The following SYNE1 variants were observed in gnomAD, a reference collection of about 807,000 sequenced individuals.
SYNE1 encodes the protein nesprin-1.
Under a neutral mutation model 1,111.0 loss-of-function variants are expected in SYNE1, and 616 were observed. The observed-to-expected ratio is 0.55, with a 90% CI of 0.52 to 0.59. SYNE1 has a LOEUF of 0.59. Among genes scored for constraint, SYNE1 ranks in the 20% least tolerant of loss-of-function variants. SYNE1 has a pLI of 0.00. For missense variants in SYNE1, 10,006 were observed against 10,417.0 expected, an observed-to-expected ratio of 0.96 and a Z score of 1.72; for synonymous variants, 3,855 against 3,825.8, an observed-to-expected ratio of 1.01 and a Z score of -0.28.
At chr6:152,435,668 A>G in intron 33 of SYNE1, 2 of 504,622 alleles carry the variant, frequency 4.0e-6, no homozygotes, top group South Asian at 7.4e-5. Flanking sequence ...TACAATGTAC[A>G]AAGGCCACAG....
chr6:152,283,523 T>TTTTG (rs1039410283), intron 96 of SYNE1, among the ~76,000 whole-genome samples: 73 of 152,176 alleles, frequency 4.8e-4, no homozygotes, highest in East Asian at 1.9e-3. Flanking sequence ...GACTGTTTTG[T>TTTTG]TTTGTTTGTT....
chr6:152,334,190 T>C lies in SYNE1; in HGVS notation c.12612A>G (p.Glu4204=). 1 of 1,614,168 alleles carries C rather than the reference T, an allele frequency of 6.2e-7. No homozygotes were observed. The highest frequency in any genetic ancestry group is 8.5e-7 in the Non-Finnish European group (1 of 1,180,022). The change falls in exon 77 of 146, where the codon GAA becomes GAG. Residue 4204 remains glutamate, a synonymous_variant. Coordinates refer to ENST00000367255, the MANE Select transcript of SYNE1 (RefSeq NM_182961.4). The part of the protein sequence containing the change: ...EKVNKLTKKE[E]SPEHKEINHL... ...GATTTATTTCCTTGTGTTCAGGCGA[T>C]TCCTCCTTCTTTGTTAACTTATTCA... is the stretch of plus-strand genomic sequence containing the variant.
intron 51 of SYNE1, among the ~76,000 whole-genome samples, chr6:152,394,286 T>C (rs1455770727): frequency 6.6e-6 from 1 of 152,236 alleles, no homozygotes; most frequent in East Asian, 1.9e-4. Context: ...GCAGTAAACA[T>C]ACATGTGCAT....
chr6:152,260,465 CT>C (rs1395339788), intron 101 of SYNE1, among the ~76,000 whole-genome samples: 1 of 152,134 alleles, frequency 6.6e-6, no homozygotes, highest in Non-Finnish European at 1.5e-5. Flanking sequence ...GAATACAGTG[CT>C]TTAAGTTTCC....
At chr6:152,326,656 A>G (rs1340317405) in intron 78 of SYNE1, 23 bp from the exon 79 acceptor site, 2 of 1,601,824 alleles carry the variant, frequency 1.2e-6, no homozygotes, top group Non-Finnish European at 8.5e-7. Context: ...AATTGCAAAC[A>G]TAATCAACTC....
Position 152,256,638 on chromosome 6 carries a change from G to A in SYNE1, c.19100C>T (p.Ser6367Phe). The change falls in exon 102 of 146, where the codon TCC (serine) becomes TTC (phenylalanine). Residue 6367 changes from serine (S) to phenylalanine (F), a missense_variant. Ser to Phe is a radical substitution (Grantham distance 155). Transcript: ENST00000367255. ...GLNQAFEEVS[S>F]QSGGAKRQSI... Reference sequence around the variant, plus strand: ...ACACTGATAACACAGCCTTACCTGGGATGAAACCTCCTCGAAGGCTTGGTT... The same window carrying A: ...ACACTGATAACACAGCCTTACCTGGAATGAAACCTCCTCGAAGGCTTGGTT... The A allele has an allele frequency of 1.9e-6, 3 of 1,613,510 alleles. No homozygotes were observed. The highest frequency in any genetic ancestry group is 2.5e-6 in the Non-Finnish European group (3 of 1,179,662).
In SYNE1 at chr6:152,351,908, G is replaced by A. The variant is rs6908204; in HGVS notation, c.11580+119C>T. On this transcript the variant is annotated intron_variant, in intron 70 of 145. Coordinates refer to ENST00000367255, the MANE Select transcript of SYNE1 (RefSeq NM_182961.4). The stretch of plus-strand genomic sequence containing the variant: ...TGGCATCACTGGTCAGCTGCAGAAC[G>A]GACACATGCGGGATGCATTCCAGCA... 518,897 of 878,630 alleles carry A rather than the reference G, an allele frequency of 0.59. 154,277 individuals are homozygous for A. The highest frequency in any genetic ancestry group is 0.64 in the East Asian group (24,892 of 38,958). 54.4% of individuals were successfully genotyped at this position (878,630 alleles called of 1,614,324 possible).
intron 5 of SYNE1, among the ~76,000 whole-genome samples, chr6:152,521,233 T>C (rs2099137545): frequency 6.6e-6 from 1 of 152,216 alleles, no homozygotes; most frequent in African/African-American, 2.4e-5. Context: ...TTTCAAAAGC[T>C]ACATAATGTG....
chr6:152,373,284 T>TA, intron 58 of SYNE1, 65 bp from the exon 59 acceptor site: 1 of 1,460,310 alleles, frequency 6.8e-7, no homozygotes, highest in Non-Finnish European at 9.2e-7. Flanking sequence ...TTTTTTCTTT[T>TA]CTTTTTTTTT....
Position 152,234,788 on chromosome 6 carries a change from T to C in SYNE1, c.20409A>G (p.Glu6803=), listed in dbSNP as rs375649094. Reference sequence around the variant, plus strand: ...GTAACCAGTGAATTAGATCTGCAGATTCACTTTGATATCTGTTAAGTATAT... The same window carrying C: ...GTAACCAGTGAATTAGATCTGCAGACTCACTTTGATATCTGTTAAGTATAT... ...ILKHWTRYQS[E]SADLIHWLQS... is the part of the protein sequence containing the mutation. Residue 6803 remains glutamate, a synonymous_variant, in exon 111 of 146, where the codon GAA becomes GAG. Coordinates refer to ENST00000367255, the MANE Select transcript of SYNE1 (RefSeq NM_182961.4). The C allele has an allele frequency of 1.5e-5, 24 of 1,614,170 alleles. No individual in the cohort carries two copies. In the African/African-American group the frequency reaches 3.2e-4, roughly 22 times the overall value.
chr6:152,258,749 CTT>C (rs66714244), intron 101 of SYNE1, among the ~76,000 whole-genome samples: 11 of 144,328 alleles, frequency 7.6e-5, no homozygotes, highest in African/African-American at 5.1e-5. Context: ...TTTTCTTCTT[CTT>C]TTTTTTTTTT....
At chr6:152,287,838 C>T (rs938900594) in intron 95 of SYNE1, among the ~76,000 whole-genome samples, 6 of 152,182 alleles carry the variant, frequency 3.9e-5, no homozygotes, top group African/African-American at 4.8e-5. Context: ...TGAGCCACCG[C>T]ACCCAGCCTG....
chr6:152,492,892 C>T (rs980104760), intron 11 of SYNE1, among the ~76,000 whole-genome samples: 2 of 152,034 alleles, frequency 1.3e-5, no homozygotes, highest in Non-Finnish European at 2.9e-5. Context: ...TAAAACTCCC[C>T]CACTCTGGTG....
chr6:152,498,694 G>T (rs376549168), intron 11 of SYNE1, 48 bp downstream of exon 11: 8 of 1,292,410 alleles, frequency 6.2e-6, no homozygotes, highest in Non-Finnish European at 8.8e-6. Context: ...GCTACAGAAT[G>T]CAGGATGTTT....
In SYNE1 at chr6:152,318,166, G is replaced by A; in HGVS notation, c.16487C>T (p.Pro5496Leu). Reference sequence around the variant, plus strand: ...CAGTTTTCCTATCTTCTTGGCCAGTGGCTTACCCAGTTGGCCATTCTGTTC... The same window carrying A: ...CAGTTTTCCTATCTTCTTGGCCAGTAGCTTACCCAGTTGGCCATTCTGTTC... ...FLEQNGQLGK[P>L]LAKKIGKLTE... The change falls in exon 86 of 146, where the codon CCA (proline) becomes CTA (leucine). Residue 5496 changes from proline to leucine, a missense_variant. By Grantham distance (98) the Pro-to-Leu change is moderately conservative. Coordinates refer to ENST00000367255, the MANE Select transcript of SYNE1 (RefSeq NM_182961.4). 1 of 1,614,096 alleles carries A rather than the reference G, an allele frequency of 6.2e-7. No individual in the cohort carries two copies. The highest frequency in any genetic ancestry group is 1.1e-5 in the South Asian group (1 of 91,078).
Position 152,218,305 on chromosome 6 carries a change from G to C in SYNE1, c.22143C>G (p.Ser7381Arg), listed in dbSNP as rs1258854088. The part of the protein sequence containing the change: ...AEEILQGQDP[S>R]HSSDLSTIQE... ...GGATTGTGGAGAGGTCAGATGAGTG[G>C]CTAGGGTCCTGCCCTTGTAGTATTT... is the stretch of plus-strand genomic sequence containing the variant. Residue 7381 changes from serine (S) to arginine (R), a missense_variant, in exon 121 of 146, where the codon AGC becomes AGG. By Grantham distance (110) the Ser-to-Arg change is moderately radical. Around this residue, in one of 7 missense-constraint regions of SYNE1, gnomAD observed 2,182 missense variants for 2,287.8 expected, o/e 0.95. Transcript: ENST00000367255. 2.5e-6 allele frequency: 4 copies of C among 1,614,042 alleles called. No individual in the cohort carries two copies. Among genetic ancestry groups the C allele is most frequent in the Non-Finnish European group, 3.4e-6 (4 of 1,179,978 alleles).
In SYNE1 at chr6:152,628,269, C is replaced by T. The variant is rs201538728; in HGVS notation, c.63G>A (p.Leu21=). The T allele has an allele frequency of 1.2e-5, 20 of 1,614,114 alleles. No homozygotes were observed. The East Asian group carries it at 4.2e-4, about 34-fold the overall frequency. Residue 21 remains leucine (L), a synonymous_variant, in exon 3 of 146, where the codon CTG becomes CTA. Transcript: ENST00000367255. ...PRDIANVMQR[L]QDEQEIVQKR... ...CCTGAAATTTCTTCCCCCTACCTTG[C>T]AGCCTCTGCATCACATTGGCGATAT...
rs2092874431 is a variant in SYNE1, at chr6:152,268,098, A to G, written c.18773T>C (p.Ile6258Thr). The G allele has an allele frequency of 6.2e-7, 1 of 1,614,026 alleles. No homozygotes were observed. Among genetic ancestry groups the G allele is most frequent in the South Asian group, 1.1e-5 (1 of 91,070 alleles). The change falls in exon 100 of 146, where the codon ATT becomes ACT. Residue 6258 changes from isoleucine (I) to threonine (T), a missense_variant. This residue lies in a region of SYNE1 where 2,182 missense variants were observed against 2,287.8 expected (regional missense o/e 0.95). Coordinates refer to ENST00000367255, the MANE Select transcript of SYNE1 (RefSeq NM_182961.4). Reference sequence around the variant, plus strand: ...CTCTGCCGCCGAATGTTGAATTAGAATCTCCTCTCCACGACTGGCTACTGA... The same window carrying G: ...CTCTGCCGCCGAATGTTGAATTAGAGTCTCCTCTCCACGACTGGCTACTGA... ...LRSVASRGEE[I>T]LIQHSAAETS... is the part of the protein sequence containing the mutation.
chr6:152,508,390 T>C (rs554682139), intron 8 of SYNE1, among the ~76,000 whole-genome samples: 63 of 152,310 alleles, frequency 4.1e-4, no homozygotes, highest in Non-Finnish European at 7.5e-4. Flanking sequence ...TACCAACATA[T>C]AAGTTGTAGC....
Sources: allele counts gnomAD v4.1 joint callset (sites outside exome capture counted in the v4.1 genomes callset), GRCh38; gene constraint gnomAD v4.1.1; regional missense constraint gnomAD v4.1.1; transcripts MANE v1.5; gene names NCBI Gene and HGNC (gene_info 2026-07-23, HGNC 2026-07-21).